Variants in TRPV5 observed in about 807,000 individuals in gnomAD.
The protein encoded by TRPV5 is calcium transport protein 2.
Under a neutral mutation model 74.1 loss-of-function variants are expected in TRPV5, and 66 were observed. The observed-to-expected ratio is 0.89, with a 90% CI of 0.73 to 1.09. TRPV5 has a LOEUF of 1.09. TRPV5 is among the 50% of genes least tolerant of loss of function. The pLI, the probability that TRPV5 is intolerant of heterozygous loss-of-function variation, is 0.00. For missense variants in TRPV5, 936 were observed against 930.4 expected (o/e 1.01, Z -0.08); for synonymous variants, 399 against 360.7 (o/e 1.11, Z -1.20).
In TRPV5 at chr7:142,928,220, C is replaced by T; in HGVS notation, c.777G>A (p.Leu259=). ...VEGNTVMFQH[L]MQKRRHIQWT... ...ACTGGATGTGCCTCCGCTTCTGCAT[C>T]AGGTGCTGGAACATCTGAGAGACCA... Residue 259 remains leucine, a synonymous_variant, in exon 7 of 15, where the codon CTG becomes CTA. Coordinates refer to ENST00000265310, the MANE Select transcript of TRPV5 (RefSeq NM_019841.7). 1 of 1,614,178 alleles carries T rather than the reference C, an allele frequency of 6.2e-7. No homozygotes were observed. Among genetic ancestry groups the T allele is most frequent in the Non-Finnish European group, 8.5e-7 (1 of 1,180,032 alleles).
intron 9 of TRPV5, 46 bp from the exon 10 acceptor site, chr7:142,915,429 C>G: frequency 6.2e-7 from 1 of 1,610,226 alleles, no homozygotes; most frequent in Non-Finnish European, 8.5e-7. Context: ...GACTGCGGTA[C>G]AGTCTGGGCC....
chr7:142,918,970 G>C (rs1239763884), intron 8 of TRPV5, among the ~76,000 whole-genome samples: 1 of 152,204 alleles, frequency 6.6e-6, no homozygotes, highest in Admixed American at 6.5e-5. Flanking sequence ...CCCTGTGTGA[G>C]CTCTGGCCAC....
At chr7:142,909,811 G>A (rs969175229) in intron 13 of TRPV5, among the ~76,000 whole-genome samples, 5 of 152,330 alleles carry the variant, frequency 3.3e-5, no homozygotes, top group Middle Eastern at 3.4e-3. Context: ...TTTTGTGAGT[G>A]TTTTGAATAA....
intron 8 of TRPV5, among the ~76,000 whole-genome samples, chr7:142,918,278 T>C (rs1363204668): frequency 6.6e-6 from 1 of 152,252 alleles, no homozygotes; most frequent in Non-Finnish European, 1.5e-5. Flanking sequence ...AGGGTCCTTA[T>C]GAAAATATTG....
In TRPV5 at chr7:142,928,234, T is replaced by C. The variant is rs781164328; in HGVS notation, c.763A>G (p.Met255Val). ...KLAGVEGNTV[M>V]FQHLMQKRRH... ...CGCTTCTGCATCAGGTGCTGGAACATCTGAGAGACCACCAGGATGAGTCAG... is the reference window on the plus strand; with the variant it reads ...CGCTTCTGCATCAGGTGCTGGAACACCTGAGAGACCACCAGGATGAGTCAG... Residue 255 changes from methionine (M) to valine (V), a missense_variant and splice_region_variant, in exon 7 of 15, where the codon ATG becomes GTG. By Grantham distance (21) the Met-to-Val change is conservative. Transcript: ENST00000265310. The C allele has an allele frequency of 6.2e-7, 1 of 1,614,104 alleles. No individual in the cohort carries two copies. Among genetic ancestry groups the C allele is most frequent in the Non-Finnish European group, 8.5e-7 (1 of 1,180,008 alleles).
intron 7 of TRPV5, 51 bp from the exon 8 acceptor site, chr7:142,925,792 G>T: frequency 6.5e-7 from 1 of 1,536,492 alleles, no homozygotes; most frequent in Non-Finnish European, 8.9e-7. Context: ...GAAGGATGTT[G>T]TTTATCCCAC....
At chr7:142,923,322 G>A (rs1795915095) in intron 8 of TRPV5, among the ~76,000 whole-genome samples, 3 of 152,276 alleles carry the variant, frequency 2.0e-5, no homozygotes, top group South Asian at 4.1e-4. Context: ...GAAAAAAAAG[G>A]AATTTCCTAT....
At chr7:142,927,225 A>T (rs1423419700) in intron 7 of TRPV5, among the ~76,000 whole-genome samples, 1 of 152,142 alleles carries the variant, frequency 6.6e-6, no homozygotes, top group Admixed American at 6.5e-5. Context: ...ACTCTACCTC[A>T]ATGTGGCTGT....
chr7:142,928,725 G>A lies in TRPV5; in HGVS notation c.728C>T (p.Pro243Leu). 2 of 1,614,144 alleles carry A rather than the reference G, an allele frequency of 1.2e-6. No homozygotes were observed. Among genetic ancestry groups the A allele is most frequent in the Non-Finnish European group, 1.7e-6 (2 of 1,180,008 alleles). Residue 243 changes from proline to leucine, a missense_variant, in exon 6 of 15, where the codon CCC (proline) becomes CTC (leucine). Transcript: ENST00000265310. ...DLVPNHQGLT[P>L]FKLAGVEGNT... ...ACCCTCCACTCCAGCCAGCTTGAAG[G>A]GGGTGAGACCCTGGTGATTGGGCAC...
Position 142,919,319 on chromosome 7 carries a change from G to A in TRPV5, c.1123-3751C>T, listed in dbSNP as rs528132554. 2.0e-5 allele frequency among the ~76,000 whole-genome samples: 3 copies of A among 152,270 alleles called. No individual in the cohort carries two copies. The South Asian group carries it at 6.2e-4, about 32-fold the overall frequency. On this transcript the variant is annotated intron_variant, in intron 8 of 14. Coordinates refer to ENST00000265310, the MANE Select transcript of TRPV5 (RefSeq NM_019841.7). ...TCCACAAATGCACACAATGTGGTAG[G>A]CACTCAGTTGGTAAGAAAGGAAAGA...
chr7:142,909,423 G>T (rs928323417), intron 14 of TRPV5, 67 bp downstream of exon 14: 20 of 1,558,950 alleles, frequency 1.3e-5, no homozygotes, highest in African/African-American at 2.7e-5. Context: ...CAGGACGCCT[G>T]TCGGTCACCC....
At chr7:142,931,857 A>G (rs369589202) in intron 1 of TRPV5, among the ~76,000 whole-genome samples, 1 of 152,140 alleles carries the variant, frequency 6.6e-6, no homozygotes, top group East Asian at 1.9e-4. Context: ...GCCCACCACC[A>G]TGCCTGACTA....
chr7:142,917,921 C>T (rs934143020), intron 8 of TRPV5, among the ~76,000 whole-genome samples: 1 of 152,260 alleles, frequency 6.6e-6, no homozygotes. Context: ...GTAAAAGTTG[C>T]AATAGAAGTA....
chr7:142,933,276 G>A, intron 1 of TRPV5, 56 bp downstream of exon 1: 1 of 1,598,316 alleles, frequency 6.3e-7, no homozygotes, highest in Non-Finnish European at 8.5e-7. Flanking sequence ...GCCCAGGTGG[G>A]TCAGAGGGTC....
In TRPV5 at chr7:142,908,288, G is replaced by T. The variant is rs1795640964; in HGVS notation, c.*226C>A. 2 of 584,244 alleles carry T rather than the reference G, an allele frequency of 3.4e-6. No homozygotes were observed. Among genetic ancestry groups the T allele is most frequent in the Admixed American group, 3.1e-5 (1 of 32,268 alleles). The allele number at this position is 584,244 out of a possible 1,614,324, so 36.2% of individuals were successfully genotyped here. On this transcript the variant is annotated 3_prime_UTR_variant, in exon 15 of 15. Transcript: ENST00000265310. ...TGCCAACCTCCTTTTTCCTGAGATG[G>T]GTGACTTGCAAGAGCCCAGAAAATA... is the stretch of plus-strand genomic sequence containing the variant.
At position 142,925,511 on chromosome 7, in the gene TRPV5, C is replaced by G; in HGVS notation, c.1122+18G>C. 6.2e-7 allele frequency: 1 copy of G among 1,613,224 alleles called. No individual in the cohort carries two copies. On this transcript the variant is annotated intron_variant, in intron 8 of 14. Coordinates refer to ENST00000265310, the MANE Select transcript of TRPV5 (RefSeq NM_019841.7). ...CCCTTGATGCAATTCTCTCTCATCCCCTTCTGAGGAGAATCACCTGTAGTA... is the reference window on the plus strand; with the variant it reads ...CCCTTGATGCAATTCTCTCTCATCCGCTTCTGAGGAGAATCACCTGTAGTA...
chr7:142,930,047 A>G lies in TRPV5; in HGVS notation c.349+11T>C. 6.2e-7 allele frequency: 1 copy of G among 1,613,928 alleles called. No individual in the cohort carries two copies. Among genetic ancestry groups the G allele is most frequent in the South Asian group, 1.1e-5 (1 of 91,062 alleles). The stretch of plus-strand genomic sequence containing the variant: ...AAGTTTCCACCTTGAATTACCATGT[A>G]GGCTCCTTACCTGCAAAAGCCTCAC... On this transcript the variant is annotated intron_variant, in intron 3 of 14. Transcript: ENST00000265310.
chr7:142,928,379 C>T (rs535542420), intron 6 of TRPV5, 145 bp from the exon 7 acceptor site: 2 of 959,258 alleles, frequency 2.1e-6, no homozygotes, highest in African/African-American at 3.3e-5. Flanking sequence ...CAAGCTTTCC[C>T]TTTTTTGTCA....
At chr7:142,918,951 G>A (rs1302579651) in intron 8 of TRPV5, among the ~76,000 whole-genome samples, 2 of 152,218 alleles carry the variant, frequency 1.3e-5, no homozygotes, top group East Asian at 3.8e-4. Flanking sequence ...CCTGCCTTGT[G>A]TCCTCATACC....
Sources: gnomAD v4.1 joint callset for allele counts (sites outside exome capture counted in the v4.1 genomes callset) on GRCh38, gnomAD v4.1.1 for gene constraint, MANE v1.5 for transcripts, NCBI Gene and HGNC (gene_info 2026-07-23, HGNC 2026-07-21) for gene names.